Variants in BCL2L14 observed in about 807,000 individuals in gnomAD.
BCL2L14 encodes BCL2 like 14, also known as apoptosis facilitator Bcl-2-like protein 14.
BCL2L14 carries 27 observed loss-of-function variants against 35.3 expected under a neutral mutation model. The ratio of observed to expected loss-of-function variants is 0.76; its 90% confidence interval spans 0.56 to 1.05. The LOEUF (loss-of-function observed/expected upper bound fraction) is 1.05, where lower values mean the gene tolerates loss of function less well. Among genes scored for constraint, BCL2L14 ranks in the 50% least tolerant of loss-of-function variants. The pLI is 0.00. For synonymous variants in BCL2L14, 139 were observed against 145.9 expected (o/e 0.95, Z 0.34); for missense variants, 377 against 382.6 (o/e 0.99, Z 0.12).
Position 12,079,592 on chromosome 12 carries a change from TC to T in BCL2L14, c.288del (p.Phe97LeufsTer3), listed in dbSNP as rs1948865344. The T allele has an allele frequency of 6.2e-7, 1 of 1,614,060 alleles. No homozygotes were observed. Among genetic ancestry groups the T allele is most frequent in the Non-Finnish European group, 8.5e-7 (1 of 1,180,048 alleles). ...LGKKKSSWKA[F>X]FGVVEKEDSQ... The stretch of plus-strand genomic sequence containing the variant: ...AAGAAAAAGTCTTCTTGGAAAGCAT[TC>T]TTTGGAGTAGTGGAGAAGGAAGATT... On this transcript the variant is annotated frameshift_variant, in exon 2 of 6. Coordinates refer to ENST00000308721, the MANE Select transcript of BCL2L14 (RefSeq NM_138723.2). LOFTEE classifies it high-confidence loss of function.
chr12:12,085,921 G>C (rs2136762763), intron 2 of BCL2L14, among the ~76,000 whole-genome samples: 1 of 152,282 alleles, frequency 6.6e-6, no homozygotes, highest in Non-Finnish European at 1.5e-5. Context: ...CTGTCTTCAA[G>C]TCCTGTGAAT....
intron 1 of BCL2L14, chr12:12,072,576 A>T (rs1212915621): frequency 6.6e-6 from 1 of 152,264 alleles, no homozygotes; most frequent in Non-Finnish European, 1.5e-5. Flanking sequence ...AATAAGCCTC[A>T]CAGGTCTCAC....
chr12:12,094,590 G>T (rs754856251), intron 4 of BCL2L14, 74 bp from the exon 5 acceptor site: 1 of 1,614,222 alleles, frequency 6.2e-7, no homozygotes, highest in South Asian at 1.1e-5. Flanking sequence ...GCCTGCATTT[G>T]AGCTAAAGAA....
chr12:12,064,401 CCAAA>C (rs376883307), intron 2 of BCL2L14, among the ~76,000 whole-genome samples: 124,557 of 151,796 alleles, frequency 0.82, 51,215 homozygotes, highest in East Asian at 0.92. Context: ...AAAAGCACAC[CCAAA>C]AGGTGTGAGC....
intron 4 of BCL2L14, among the ~76,000 whole-genome samples, chr12:12,092,326 A>T (rs1949206665): frequency 6.6e-6 from 1 of 152,212 alleles, no homozygotes; most frequent in African/African-American, 2.4e-5. Flanking sequence ...AGGAGTTTGG[A>T]CATTTTACAT....
intron 3 of BCL2L14, among the ~76,000 whole-genome samples, chr12:12,087,951 C>T (rs1225154874): frequency 1.3e-5 from 2 of 152,130 alleles, no homozygotes; most frequent in Admixed American, 6.6e-5. Context: ...AGGGGAGAGT[C>T]AAGGGGAGCA....
chr12:12,084,251 A>T (rs1379099300), intron 2 of BCL2L14, among the ~76,000 whole-genome samples: 1 of 152,114 alleles, frequency 6.6e-6, no homozygotes, highest in African/African-American at 2.4e-5. Flanking sequence ...GAGCCACCGC[A>T]CCCAGCCTTA....
chr12:12,057,860 C>G (rs1425834350), intron 2 of BCL2L14, among the ~76,000 whole-genome samples: 1 of 146,320 alleles, frequency 6.8e-6, no homozygotes, highest in Admixed American at 6.8e-5. Flanking sequence ...GCCTTAAAGA[C>G]AGTGCCTGGG....
intron 2 of BCL2L14, among the ~76,000 whole-genome samples, chr12:12,081,976 G>A (rs1948937467): frequency 6.6e-6 from 1 of 152,192 alleles, no homozygotes; most frequent in African/African-American, 2.4e-5. Flanking sequence ...GACAGTCCTG[G>A]CTTGCTTGGA....
intron 2 of BCL2L14, among the ~76,000 whole-genome samples, chr12:12,057,512 C>T (rs1406660669): frequency 6.6e-6 from 1 of 152,114 alleles, no homozygotes; most frequent in Non-Finnish European, 1.5e-5. Context: ...AATCCCAGCA[C>T]TTTGGGAGGC....
At chr12:12,056,855 A>T (rs1391357256) in intron 2 of BCL2L14, among the ~76,000 whole-genome samples, 5 of 152,152 alleles carry the variant, frequency 3.3e-5, no homozygotes, top group African/African-American at 1.2e-4. Context: ...AACAAAACAC[A>T]ATCAATAACA....
chr12:12,063,082 G>C (rs989735230), intron 2 of BCL2L14, among the ~76,000 whole-genome samples: 4 of 151,800 alleles, frequency 2.6e-5, no homozygotes, highest in African/African-American at 7.3e-5. Flanking sequence ...ATTCCAGACA[G>C]CAGACCAACT....
At chr12:12,085,095 A>G (rs1186395834) in intron 2 of BCL2L14, among the ~76,000 whole-genome samples, 4 of 151,972 alleles carry the variant, frequency 2.6e-5, no homozygotes, top group Admixed American at 6.6e-5. Context: ...AAAAAAAAAA[A>G]AAAAAAAAAG....
At chr12:12,052,130 T>C (rs896860506) in intron 2 of BCL2L14, among the ~76,000 whole-genome samples, 6 of 152,210 alleles carry the variant, frequency 3.9e-5, no homozygotes, top group Non-Finnish European at 8.8e-5. Flanking sequence ...TAATAATACA[T>C]GTTTATGGAG....
intron 2 of BCL2L14, among the ~76,000 whole-genome samples, chr12:12,083,533 T>G (rs1185131842): frequency 2.6e-5 from 4 of 152,206 alleles, no homozygotes; most frequent in African/African-American, 9.6e-5. Context: ...CGATATACAG[T>G]GGAACACTCA....
intron 2 of BCL2L14, chr12:12,051,982 T>C (rs1276539089): frequency 2.0e-5 from 3 of 152,198 alleles, no homozygotes; most frequent in East Asian, 1.9e-4. Flanking sequence ...ACTTCAACAA[T>C]CAGATGTGAG....
intron 5 of BCL2L14, among the ~76,000 whole-genome samples, chr12:12,097,382 T>A (rs764432920): frequency 2.0e-5 from 3 of 152,170 alleles, no homozygotes; most frequent in Non-Finnish European, 4.4e-5. Flanking sequence ...AAGCAAGTAT[T>A]GATACATGGA....
At chr12:12,053,283 G>A (rs113043473) in intron 2 of BCL2L14, among the ~76,000 whole-genome samples, 144 of 152,270 alleles carry the variant, frequency 9.5e-4, no homozygotes, top group African/African-American at 3.3e-3. Context: ...TAATCTAATA[G>A]CAGAGCTGGG....
At position 12,090,788 on chromosome 12, in the gene BCL2L14, AAC is replaced by A. The variant is rs1247177794; in HGVS notation, c.619_620del (p.Gln207AsnfsTer7). On this transcript the variant is annotated frameshift_variant, in exon 4 of 6. Coordinates refer to ENST00000308721, the MANE Select transcript of BCL2L14 (RefSeq NM_138723.2). LOFTEE classifies it high-confidence loss of function. ...GAATTTTCCCCGACAGATGAAGAAG[AAC>A]AAATACTAGCCAAAATTGTTGAGCT... The A allele has an allele frequency of 8.1e-6, 13 of 1,612,688 alleles. No homozygotes were observed. The African/African-American group carries it at 1.6e-4, about 20-fold the overall frequency.
Sources: gnomAD v4.1 joint callset for allele counts (sites outside exome capture counted in the v4.1 genomes callset) on GRCh38, gnomAD v4.1.1 for gene constraint, MANE v1.5 for transcripts, NCBI Gene and HGNC (gene_info 2026-07-23, HGNC 2026-07-21) for gene names.